The following KDM2A variants were observed in gnomAD, a reference collection of about 807,000 sequenced individuals.
KDM2A encodes the protein lysine demethylase 2A.
Under a neutral mutation model 137.3 loss-of-function variants are expected in KDM2A, and 3 were observed. That is an observed-to-expected ratio of 0.02 (90% CI 0.01 to 0.06). The LOEUF is 0.06. Ranked by LOEUF, KDM2A falls within the 10% of genes least tolerant of loss-of-function variation. KDM2A has a pLI of 1.00. For missense variants in KDM2A, 738 were observed against 1,510.6 expected, an observed-to-expected ratio of 0.49 and a Z score of 8.48; for synonymous variants, 512 against 541.5, an observed-to-expected ratio of 0.95 and a Z score of 0.76.
chr11:67,206,635 T>A (rs1456361054), intron 5 of KDM2A, among the ~76,000 whole-genome samples: 6 of 151,544 alleles, frequency 4.0e-5, no homozygotes, highest in Admixed American at 3.9e-4. Flanking sequence ...ACTGTGGAGG[T>A]TGAGGCAGGA....
rs1859132383 is a variant in KDM2A at position 67,244,130 on chromosome 11, CCTGCTTGGCCT to C, written c.1564-1048_1564-1038del. Among the ~76,000 whole-genome samples, 5 of 152,154 alleles carry C rather than the reference CCTGCTTGGCCT, an allele frequency of 3.3e-5. No individual in the cohort carries two copies. In the South Asian group the frequency reaches 6.2e-4, roughly 19 times the overall value. On this transcript the variant is annotated intron_variant, in intron 13 of 20. Transcript: ENST00000529006. ...CCTCCTCGTCCCTAGTGGGAGGAGT[CCTGCTTGGCCT>C]CTGCTTGGCCACAGGTGACTGCCTT...
intron 12 of KDM2A, among the ~76,000 whole-genome samples, chr11:67,234,246 T>C (rs903520049): frequency 3.9e-5 from 6 of 152,332 alleles, no homozygotes; most frequent in Non-Finnish European, 8.8e-5. Flanking sequence ...AGCTGCTGAA[T>C]CACTGCACAG....
chr11:67,197,850 G>C (rs1857518091), intron 5 of KDM2A, among the ~76,000 whole-genome samples: 1 of 152,120 alleles, frequency 6.6e-6, no homozygotes, highest in African/African-American at 2.4e-5. Context: ...CAGCAAGTCA[G>C]AAATCTACAT....
chr11:67,191,464 T>C (rs924751732), intron 5 of KDM2A, among the ~76,000 whole-genome samples: 5 of 152,290 alleles, frequency 3.3e-5, no homozygotes, highest in African/African-American at 1.2e-4. Flanking sequence ...ACTTGCATAC[T>C]AAATTCAGCA....
At chr11:67,225,742 C>A (rs556705818) in intron 10 of KDM2A, among the ~76,000 whole-genome samples, 2 of 151,770 alleles carry the variant, frequency 1.3e-5, no homozygotes, top group South Asian at 4.2e-4. Context: ...GGACTCTAGC[C>A]TGGGCAATAA....
At chr11:67,235,986 C>T (rs976336349) in intron 12 of KDM2A, among the ~76,000 whole-genome samples, 15 of 152,252 alleles carry the variant, frequency 9.9e-5, no homozygotes, top group Non-Finnish European at 1.8e-4. Context: ...AAAGGTAGGA[C>T]ATGTAACAGT....
In KDM2A at chr11:67,232,082, A is replaced by T. The variant is rs1565416482; in HGVS notation, c.1479+122A>T. The T allele has an allele frequency of 3.3e-6, 3 of 898,438 alleles. No homozygotes were observed. In the East Asian group the frequency reaches 7.3e-5, roughly 22 times the overall value. The allele number at this position is 898,438 out of a possible 1,614,324, so 55.7% of individuals were successfully genotyped here. A position where few individuals can be genotyped will look rare whatever the true frequency, so the allele number is the denominator to read the frequency against. On this transcript the variant is annotated intron_variant, in intron 12 of 20. Coordinates refer to ENST00000529006, the MANE Select transcript of KDM2A (RefSeq NM_012308.3). The stretch of plus-strand genomic sequence containing the variant: ...CTGGTTCAGTCAGAGAGAAGTTAAT[A>T]TGCATGTGTGTTTGTTATTGCTGCT...
At chr11:67,175,857 A>G (rs1391889383) in intron 2 of KDM2A, among the ~76,000 whole-genome samples, 1 of 152,204 alleles carries the variant, frequency 6.6e-6, no homozygotes, top group Non-Finnish European at 1.5e-5. Flanking sequence ...TTCTAGTAGC[A>G]TTGCTCTTGC....
chr11:67,129,825 C>A (rs1055127626), intron 2 of KDM2A, among the ~76,000 whole-genome samples: 1 of 150,972 alleles, frequency 6.6e-6, no homozygotes, highest in African/African-American at 2.4e-5. Context: ...ACAGGAGAAT[C>A]GCTTCAACTC....
At position 67,127,408 on chromosome 11, in the gene KDM2A, A is replaced by G. The variant is rs377008712; in HGVS notation, c.42+6050A>G. ...AGTGCTGGGAGTACAGGTGTGAGCCACTATGCCTGGTGTGCTTGTCAATCT... is the reference window on the plus strand; with the variant it reads ...AGTGCTGGGAGTACAGGTGTGAGCCGCTATGCCTGGTGTGCTTGTCAATCT... On this transcript the variant is annotated intron_variant, in intron 2 of 20. Transcript: ENST00000529006. Among the ~76,000 whole-genome samples the G allele has an allele frequency of 6.6e-5, 10 of 152,240 alleles. 2 individuals are homozygous for G. In the South Asian group the frequency reaches 2.1e-3, roughly 32 times the overall value.
intron 2 of KDM2A, among the ~76,000 whole-genome samples, chr11:67,166,185 CTT>C (rs926802116): frequency 1.4e-3 from 189 of 131,494 alleles, no homozygotes; most frequent in African/African-American, 4.3e-3. Context: ...CAATATTTCT[CTT>C]TTTTTTTTTT....
Position 67,228,032 on chromosome 11 carries a change from T to C in KDM2A, c.958-5T>C. Reference sequence around the variant, plus strand: ...TCATCTTTTCTCTATTTTATTCCTCTGTAGGTTCCAAATAAGTTTCGCTAT... The same window carrying C: ...TCATCTTTTCTCTATTTTATTCCTCCGTAGGTTCCAAATAAGTTTCGCTAT... On this transcript the variant is annotated splice_polypyrimidine_tract_variant and splice_region_variant and intron_variant, in intron 10 of 20. Transcript: ENST00000529006. 1.2e-6 allele frequency: 2 copies of C among 1,611,470 alleles called. No individual in the cohort carries two copies. The highest frequency in any genetic ancestry group is 1.7e-6 in the Non-Finnish European group (2 of 1,177,580).
intron 15 of KDM2A, among the ~76,000 whole-genome samples, chr11:67,248,066 G>C (rs1218844307): frequency 6.6e-6 from 1 of 152,196 alleles, no homozygotes; most frequent in East Asian, 1.9e-4. Context: ...ACAGAGACTA[G>C]AGCATTAGTC....
At chr11:67,208,043 T>C (rs527622256) in intron 6 of KDM2A, among the ~76,000 whole-genome samples, 62 of 152,148 alleles carry the variant, frequency 4.1e-4, no homozygotes, top group African/African-American at 1.3e-3. Context: ...AAATTTAAAA[T>C]AAAATGCGTT....
chr11:67,231,222 G>A (rs1214316267), intron 11 of KDM2A, among the ~76,000 whole-genome samples: 1 of 152,056 alleles, frequency 6.6e-6, no homozygotes, highest in East Asian at 1.9e-4. Flanking sequence ...AAAAGGTAAT[G>A]AAATAATAAT....
intron 15 of KDM2A, 109 bp downstream of exon 15, chr11:67,246,225 G>C: frequency 8.3e-7 from 1 of 1,202,900 alleles, no homozygotes; most frequent in South Asian, 1.3e-5. Context: ...TAGGCCATCA[G>C]CTCTGTGGTC....
At chr11:67,178,819 C>CT (rs370377504) in intron 2 of KDM2A, among the ~76,000 whole-genome samples, 4 of 152,098 alleles carry the variant, frequency 2.6e-5, no homozygotes, top group African/African-American at 9.7e-5. Flanking sequence ...TGGTTTCTAT[C>CT]TTTTGGCTGT....
chr11:67,177,530 TC>T, intron 2 of KDM2A, among the ~76,000 whole-genome samples: 1 of 151,926 alleles, frequency 6.6e-6, no homozygotes, highest in South Asian at 2.1e-4. Context: ...AGGGTCGGGG[TC>T]ATCAGTATCA....
At chr11:67,124,678 C>G (rs1287229426) in intron 2 of KDM2A, among the ~76,000 whole-genome samples, 1 of 140,308 alleles carries the variant, frequency 7.1e-6, no homozygotes, top group African/African-American at 2.6e-5. Context: ...GAGTCAAGTA[C>G]TCTTGACTTT....
Sources: allele counts gnomAD v4.1 joint callset (sites outside exome capture counted in the v4.1 genomes callset), GRCh38; gene constraint gnomAD v4.1.1; transcripts MANE v1.5; gene names NCBI Gene and HGNC (gene_info 2026-07-23, HGNC 2026-07-21).